The following DTD1 variants were observed in gnomAD, a reference collection of about 807,000 sequenced individuals.
The protein encoded by DTD1 is D-aminoacyl-tRNA deacylase 1.
In DTD1, 13 loss-of-function variants were observed where a neutral mutation model predicts 25.6. The ratio of observed to expected loss-of-function variants is 0.51; its 90% CI spans 0.33 to 0.81. The LOEUF is 0.81. Among genes scored for constraint, DTD1 ranks in the 30% least tolerant of loss-of-function variants. The probability of loss-of-function intolerance (pLI) is 0.02; values close to 1 mark genes in which losing one functional copy is unlikely to be tolerated. For synonymous variants in DTD1, 110 were observed against 103.6 expected, an observed-to-expected ratio of 1.06 and a Z score of -0.37; for missense variants, 193 against 266.4, an observed-to-expected ratio of 0.72 and a Z score of 1.92.
At chr20:18,624,757 G>C (rs1187962033) in intron 3 of DTD1, among the ~76,000 whole-genome samples, 1 of 152,208 alleles carries the variant, frequency 6.6e-6, no homozygotes, top group Non-Finnish European at 1.5e-5. Context: ...AGCAAAGTTT[G>C]ATAATCAGGG....
chr20:18,644,161 T>A (rs1027481848), intron 4 of DTD1, among the ~76,000 whole-genome samples: 1 of 152,168 alleles, frequency 6.6e-6, no homozygotes, highest in Admixed American at 6.5e-5. Flanking sequence ...GGATCTAGAT[T>A]TTCTAGGTAA....
At chr20:18,653,067 G>C (rs2060879770) in intron 4 of DTD1, among the ~76,000 whole-genome samples, 1 of 152,148 alleles carries the variant, frequency 6.6e-6, no homozygotes, top group Non-Finnish European at 1.5e-5. Context: ...GCTTTTAGCA[G>C]GTGGGTTGTG....
rs73902828 is a variant in DTD1 at position 18,659,363 on chromosome 20, G to T, written c.477+31130G>T. On this transcript the variant is annotated intron_variant, in intron 4 of 5. Transcript: ENST00000377452. Reference sequence around the variant, plus strand: ...GGGACTCTCCCATTCTCCTCGATTTGCAGACTCTTTCCTCCCTCCCTTTAT... The same window carrying T: ...GGGACTCTCCCATTCTCCTCGATTTTCAGACTCTTTCCTCCCTCCCTTTAT... 8.8e-3 allele frequency among the ~76,000 whole-genome samples: 1,346 copies of T among 152,188 alleles called. 20 individuals carry two copies. The highest frequency in any genetic ancestry group is 0.031 in the African/African-American group (1,288 of 41,526).
At chr20:18,654,138 C>G (rs552074277) in intron 4 of DTD1, among the ~76,000 whole-genome samples, 1 of 152,298 alleles carries the variant, frequency 6.6e-6, no homozygotes, top group South Asian at 2.1e-4. Flanking sequence ...GGCTGTGTCC[C>G]CACCCAAATC....
chr20:18,638,963 G>A (rs957653436), intron 4 of DTD1, among the ~76,000 whole-genome samples: 3 of 152,110 alleles, frequency 2.0e-5, no homozygotes, highest in Non-Finnish European at 2.9e-5. Context: ...GAGCATTAGA[G>A]AGTAATATTG....
intron 4 of DTD1, among the ~76,000 whole-genome samples, chr20:18,731,988 T>G (rs998146098): frequency 4.6e-5 from 7 of 152,236 alleles, no homozygotes; most frequent in Admixed American, 1.3e-4. Flanking sequence ...GTGGGCTACT[T>G]GCTGTCCTGG....
At chr20:18,588,977 G>C (rs1374396699) in intron 1 of DTD1, 18 of 728,484 alleles carry the variant, frequency 2.5e-5, no homozygotes, top group Non-Finnish European at 3.0e-5. Flanking sequence ...TATTGTTTCA[G>C]TTCAAATAAT....
intron 3 of DTD1, among the ~76,000 whole-genome samples, chr20:18,618,613 G>A (rs1476018815): frequency 6.8e-6 from 1 of 147,838 alleles, no homozygotes; most frequent in Admixed American, 6.8e-5. Flanking sequence ...ATATGTGTGT[G>A]TATATATGTA....
intron 4 of DTD1, among the ~76,000 whole-genome samples, chr20:18,638,498 A>G (rs996287937): frequency 5.9e-5 from 9 of 152,202 alleles, no homozygotes; most frequent in African/African-American, 2.2e-4. Context: ...CTGAGATAAG[A>G]GGGAGCCAGT....
intron 4 of DTD1, among the ~76,000 whole-genome samples, chr20:18,680,659 C>T (rs890527240): frequency 4.6e-5 from 7 of 152,072 alleles, no homozygotes. Flanking sequence ...ATGTGGGGTG[C>T]TCACTCCTGT....
intron 5 of DTD1, among the ~76,000 whole-genome samples, chr20:18,759,309 T>A (rs56168267): frequency 5.2e-4 from 79 of 152,356 alleles, no homozygotes; most frequent in Non-Finnish European, 9.1e-4. Flanking sequence ...TGCTCGTTAG[T>A]TGATGCAGTT....
intron 4 of DTD1, among the ~76,000 whole-genome samples, chr20:18,637,151 A>G (rs559273304): frequency 5.9e-5 from 9 of 152,134 alleles, no homozygotes; most frequent in Non-Finnish European, 1.2e-4. Context: ...CTCACCCCCA[A>G]CTGTCTAAAA....
At chr20:18,743,558 C>T (rs2061286657) in intron 4 of DTD1, among the ~76,000 whole-genome samples, 1 of 150,620 alleles carries the variant, frequency 6.6e-6, no homozygotes, top group African/African-American at 2.5e-5. Flanking sequence ...CCTGTAGTCA[C>T]AGATACTTGA....
At chr20:18,723,710 C>T (rs1270769647) in intron 4 of DTD1, among the ~76,000 whole-genome samples, 2 of 152,150 alleles carry the variant, frequency 1.3e-5, no homozygotes, top group African/African-American at 4.8e-5. Context: ...AATTTACATA[C>T]CTCAAATTCA....
chr20:18,661,441 A>G (rs930163229), intron 4 of DTD1, among the ~76,000 whole-genome samples: 9 of 140,188 alleles, frequency 6.4e-5, no homozygotes, highest in Non-Finnish European at 7.5e-5. Context: ...GTGCGATCTC[A>G]GCTCACTGCA....
At chr20:18,677,276 CTT>C (rs1006102438) in intron 4 of DTD1, among the ~76,000 whole-genome samples, 3 of 145,036 alleles carry the variant, frequency 2.1e-5, no homozygotes. Flanking sequence ...TAACATGTCA[CTT>C]TTTTTTTTTT....
chr20:18,672,350 C>G (rs1328336422), intron 4 of DTD1, among the ~76,000 whole-genome samples: 1 of 152,164 alleles, frequency 6.6e-6, no homozygotes, highest in Non-Finnish European at 1.5e-5. Flanking sequence ...AACCTCAGTA[C>G]CTTTGTAAAG....
At chr20:18,633,512 G>A (rs2060796373) in intron 4 of DTD1, among the ~76,000 whole-genome samples, 2 of 152,124 alleles carry the variant, frequency 1.3e-5, no homozygotes, top group South Asian at 2.1e-4. Flanking sequence ...TCACTGCCCT[G>A]TCCAGGGAGG....
chr20:18,707,689 G>T (rs1015407046), intron 4 of DTD1, among the ~76,000 whole-genome samples: 2 of 152,088 alleles, frequency 1.3e-5, no homozygotes, highest in Admixed American at 6.6e-5. Context: ...TCTTAGGGCT[G>T]GTTCTTTTCT....
Sources: allele counts gnomAD v4.1 joint callset (sites outside exome capture counted in the v4.1 genomes callset), GRCh38; gene constraint gnomAD v4.1.1; transcripts MANE v1.5; gene names NCBI Gene and HGNC (gene_info 2026-07-23, HGNC 2026-07-21).